The following HPSE2 variants were observed in gnomAD, a reference collection of about 807,000 sequenced individuals.
HPSE2 encodes heparanase 2 (inactive), also known as inactive heparanase-2.
A neutral mutation model predicts 60.5 loss-of-function variants in HPSE2; 38 were observed. That is an observed-to-expected ratio of 0.63 (90% confidence interval 0.48 to 0.82). The LOEUF is 0.82. Among genes scored for constraint, HPSE2 ranks in the 40% least tolerant of loss-of-function variants. HPSE2 has a pLI of 0.00. For missense variants in HPSE2, 713 were observed against 740.4 expected (o/e 0.96, Z 0.43); for synonymous variants, 295 against 293.2 (o/e 1.01, Z -0.06).
chr10:98,854,223 T>C (rs1052323803), intron 3 of HPSE2, among the ~76,000 whole-genome samples: 1 of 152,178 alleles, frequency 6.6e-6, no homozygotes, highest in African/African-American at 2.4e-5. Context: ...GTAATGACTA[T>C]TTTATGAGTT....
intron 3 of HPSE2, among the ~76,000 whole-genome samples, chr10:98,837,342 C>T (rs549552145): frequency 5.6e-4 from 86 of 152,272 alleles, no homozygotes; most frequent in Non-Finnish European, 1.0e-3. Context: ...GGAGCTTAAA[C>T]AGCATTTATA....
intron 7 of HPSE2, among the ~76,000 whole-genome samples, chr10:98,629,349 G>A (rs1946299453): frequency 6.6e-6 from 1 of 152,184 alleles, no homozygotes; most frequent in Non-Finnish European, 1.5e-5. Context: ...GTTACAAAGA[G>A]CTGAATAGCT....
At chr10:98,906,676 A>G (rs191747542) in intron 3 of HPSE2, among the ~76,000 whole-genome samples, 5 of 152,172 alleles carry the variant, frequency 3.3e-5, no homozygotes, top group Non-Finnish European at 5.9e-5. Flanking sequence ...GAGGCTGAGG[A>G]GGGCAGATCA....
At chr10:99,146,252 T>C (rs895188878) in intron 2 of HPSE2, among the ~76,000 whole-genome samples, 14 of 152,196 alleles carry the variant, frequency 9.2e-5, no homozygotes, top group African/African-American at 3.4e-4. Context: ...ATGGCAGACA[T>C]TGTTGACTGG....
At chr10:99,095,718 A>G (rs1416285956) in intron 3 of HPSE2, among the ~76,000 whole-genome samples, 1 of 152,210 alleles carries the variant, frequency 6.6e-6, no homozygotes, top group Non-Finnish European at 1.5e-5. Flanking sequence ...GCATGTATCA[A>G]TATTTCATTT....
chr10:98,838,716 G>A (rs1313552485), intron 3 of HPSE2, among the ~76,000 whole-genome samples: 5 of 152,018 alleles, frequency 3.3e-5, no homozygotes, highest in Non-Finnish European at 5.9e-5. Flanking sequence ...ACAGGCGTAA[G>A]CCACTACACC....
intron 3 of HPSE2, among the ~76,000 whole-genome samples, chr10:99,051,016 TAC>T (rs1361459754): frequency 1.3e-5 from 2 of 152,230 alleles, no homozygotes; most frequent in East Asian, 1.9e-4. Flanking sequence ...CATAAATATA[TAC>T]AGTTATCATT....
intron 6 of HPSE2, among the ~76,000 whole-genome samples, chr10:98,662,357 T>G (rs1947247909): frequency 6.6e-6 from 1 of 152,216 alleles, no homozygotes; most frequent in Non-Finnish European, 1.5e-5. Flanking sequence ...CAAATATATT[T>G]AATAATACTA....
At chr10:98,997,006 G>T (rs1246899302) in intron 3 of HPSE2, among the ~76,000 whole-genome samples, 1 of 151,878 alleles carries the variant, frequency 6.6e-6, no homozygotes, top group Non-Finnish European at 1.5e-5. Flanking sequence ...ACTTCACTGT[G>T]TGTAAGTTAT....
At chr10:98,948,313 G>A (rs1268076531) in intron 3 of HPSE2, among the ~76,000 whole-genome samples, 1 of 152,136 alleles carries the variant, frequency 6.6e-6, no homozygotes, top group Non-Finnish European at 1.5e-5. Flanking sequence ...AGGTGAGGGG[G>A]TAAAGGGTTT....
chr10:98,684,487 CAT>C (rs1351932227), intron 6 of HPSE2, among the ~76,000 whole-genome samples: 1 of 152,130 alleles, frequency 6.6e-6, no homozygotes, highest in Non-Finnish European at 1.5e-5. Context: ...GTCATCATAG[CAT>C]ACCACATGTC....
intron 6 of HPSE2, among the ~76,000 whole-genome samples, chr10:98,646,354 T>C (rs570627250): frequency 6.6e-6 from 1 of 151,512 alleles, no homozygotes; most frequent in Non-Finnish European, 1.5e-5. Context: ...CCTGGCTGAA[T>C]GGTCTAGAAT....
At chr10:98,665,949 G>A (rs1792190041) in intron 6 of HPSE2, among the ~76,000 whole-genome samples, 1 of 152,182 alleles carries the variant, frequency 6.6e-6, no homozygotes, top group Non-Finnish European at 1.5e-5. Flanking sequence ...AACCCTGAAT[G>A]TGAATGGTCT....
At chr10:99,033,693 G>A (rs987379151) in intron 3 of HPSE2, among the ~76,000 whole-genome samples, 1 of 151,876 alleles carries the variant, frequency 6.6e-6, no homozygotes, top group Admixed American at 6.6e-5. Flanking sequence ...TGAGGCAGGA[G>A]AATAGCGTGA....
chr10:98,563,746 T>C (rs1292650321), intron 9 of HPSE2, among the ~76,000 whole-genome samples: 1 of 152,140 alleles, frequency 6.6e-6, no homozygotes, highest in African/African-American at 2.4e-5. Context: ...CATGCACATG[T>C]GTGTGTGGCT....
At chr10:98,727,825 A>G (rs1360127756) in intron 4 of HPSE2, among the ~76,000 whole-genome samples, 1 of 152,210 alleles carries the variant, frequency 6.6e-6, no homozygotes, top group Admixed American at 6.5e-5. Context: ...CTCATACAGG[A>G]GAACACAATG....
intron 3 of HPSE2, among the ~76,000 whole-genome samples, chr10:99,043,254 G>A (rs1957781822): frequency 6.6e-6 from 1 of 152,184 alleles, no homozygotes; most frequent in African/African-American, 2.4e-5. Flanking sequence ...GGAGGCCAAG[G>A]CGGGTGGATC....
At chr10:98,582,883 T>C (rs1235940352) in intron 9 of HPSE2, among the ~76,000 whole-genome samples, 1 of 152,158 alleles carries the variant, frequency 6.6e-6, no homozygotes, top group Non-Finnish European at 1.5e-5. Flanking sequence ...TCCATAACTA[T>C]TCATAGTCAT....
In HPSE2 at chr10:98,884,418, A is replaced by G. The variant is rs146188881; in HGVS notation, c.611-140362T>C. On this transcript the variant is annotated intron_variant, in intron 3 of 11. Coordinates refer to ENST00000370552, the MANE Select transcript of HPSE2 (RefSeq NM_021828.5). ...GAAAATGCCCTCTAGGACTTTCATA[A>G]CTAGAGAGAAAAAGTCAATGCCTGG... 1.4e-3 allele frequency among the ~76,000 whole-genome samples: 214 copies of G among 152,250 alleles called. 1 individual carries two copies. The highest frequency in any genetic ancestry group is 4.9e-3 in the African/African-American group (203 of 41,566).
Sources: gnomAD v4.1 joint callset for allele counts (sites outside exome capture counted in the v4.1 genomes callset) on GRCh38, gnomAD v4.1.1 for gene constraint, MANE v1.5 for transcripts, NCBI Gene and HGNC (gene_info 2026-07-23, HGNC 2026-07-21) for gene names.